Variants in UPF3B observed in about 807,000 individuals in gnomAD.
UPF3B encodes the protein regulator of nonsense transcripts 3B.
In UPF3B, 7 loss-of-function variants were observed where a neutral mutation model predicts 40.3. The observed-to-expected ratio is 0.17, with a 90% confidence interval of 0.10 to 0.33. The LOEUF (loss-of-function observed/expected upper bound fraction) is 0.33, where lower values mean the gene tolerates loss of function less well. UPF3B is among the 10% of genes least tolerant of loss of function. The probability of loss-of-function intolerance (pLI) is 1.00; values close to 1 mark genes in which losing one functional copy is unlikely to be tolerated. For missense variants in UPF3B, 229 were observed against 358.9 expected (o/e 0.64, Z 2.93); for synonymous variants, 117 against 117.3 (o/e 1.00, Z 0.01).
At chrX:119,817,906 G>A (rs1412441532) in intron 4 of UPF3B, among the ~76,000 whole-genome samples, 1 of 111,874 alleles carries the variant, frequency 8.9e-6, no homozygotes, top group Non-Finnish European at 1.9e-5. Context: ...TGGATAACTT[G>A]TAAGAAAGGA....
chrX:119,843,525 G>A (rs780545336), intron 4 of UPF3B, among the ~76,000 whole-genome samples: 1 of 111,950 alleles, frequency 8.9e-6, no homozygotes, highest in South Asian at 3.7e-4. Flanking sequence ...ATAACATGGG[G>A]TCAGGAAAAA....
chrX:119,816,610 G>T (rs1369544065), intron 4 of UPF3B, among the ~76,000 whole-genome samples: 1 of 111,304 alleles, frequency 9.0e-6, no homozygotes, highest in East Asian at 2.8e-4. Context: ...ATGAAAACAG[G>T]CTAGACAAAG....
At chrX:119,829,439 T>A (rs1471231739), downstream of UPF3B, among the ~76,000 whole-genome samples, 5 of 112,204 alleles carry the variant, frequency 4.5e-5, no homozygotes, top group African/African-American at 1.3e-4. Flanking sequence ...TTGTATATAT[T>A]GTTTCCTTCC....
intron 2 of UPF3B, 36 bp from the exon 3 acceptor site, chrX:119,851,637 C>T (rs369319025): frequency 6.7e-6 from 7 of 1,046,357 alleles, no homozygotes; most frequent in Non-Finnish European, 9.3e-6. Context: ...AATGTACTCG[C>T]AGGTGTCTGG....
In UPF3B at chrX:119,851,764, T is replaced by TTTTTTTTTTTTTTTAAAA; in HGVS notation, c.263+2_263+3insTTTTAAAAAAAAAAAAAA. ...ACCCCTTTCCTTTTTTTTTTTTTTT[T>TTTTTTTTTTTTTTTAAAA]ACCTCGTATCATTAGAAAAAAACTC... On this transcript the variant is annotated splice_region_variant and intron_variant, in intron 2 of 10. Transcript: ENST00000276201. 1 of 968,489 alleles carries TTTTTTTTTTTTTTTAAAA rather than the reference T, an allele frequency of 1.0e-6. No individual in the cohort carries two copies. Among genetic ancestry groups the TTTTTTTTTTTTTTTAAAA allele is most frequent in the Non-Finnish European group, 1.4e-6 (1 of 710,208 alleles). 79.8% of individuals were successfully genotyped at this position (968,489 alleles called of 1,213,427 possible). A position where few individuals can be genotyped will look rare whatever the true frequency, so the allele number is the denominator to read the frequency against.
intron 5 of UPF3B, among the ~76,000 whole-genome samples, chrX:119,842,542 T>C (rs771606584): frequency 1.9e-5 from 2 of 106,110 alleles, no homozygotes; most frequent in African/African-American, 3.5e-5. Context: ...ATTGCGACAC[T>C]GCACTCCAGC....
At chrX:119,844,862 C>G (rs1429179853) in intron 4 of UPF3B, among the ~76,000 whole-genome samples, 1 of 112,298 alleles carries the variant, frequency 8.9e-6, no homozygotes, top group African/African-American at 3.2e-5. Context: ...CTTGGCCTCC[C>G]AAAGTACTGG....
Position 119,851,833 on chromosome X carries a change from T to C in UPF3B, c.197A>G (p.Gln66Arg), listed in dbSNP as rs955279373. The C allele has an allele frequency of 1.7e-6, 2 of 1,199,836 alleles. No homozygotes were observed. The highest frequency in any genetic ancestry group is 2.2e-6 in the Non-Finnish European group (2 of 891,651). The change falls in exon 2 of 11, where the codon CAG becomes CGG. Residue 66 changes from glutamine to arginine, a missense_variant. This residue lies in a region of UPF3B where 87 missense variants were observed against 184.2 expected (regional missense o/e 0.47). Coordinates refer to ENST00000276201, the MANE Select transcript of UPF3B (RefSeq NM_080632.3). ...CATAGGTTGAAGATGTTCCTGAAGC[T>C]GCTCCTTGGTCAAAGTGGGAGGTAA... is the stretch of plus-strand genomic sequence containing the variant. ...RRLPPTLTKE[Q>R]LQEHLQPMPE...
intron 4 of UPF3B, among the ~76,000 whole-genome samples, chrX:119,816,943 ATTATT>A (rs774767928): frequency 9.0e-5 from 10 of 111,442 alleles, no homozygotes; most frequent in South Asian, 3.7e-4. Flanking sequence ...AAGAGGTTTA[ATTATT>A]TTATTTTATT....
intron 3 of UPF3B, among the ~76,000 whole-genome samples, chrX:119,828,228 T>C (rs1410925362): frequency 1.8e-5 from 2 of 110,168 alleles, no homozygotes; most frequent in Non-Finnish European, 3.8e-5. Flanking sequence ...CCTCGCTAAA[T>C]TTTTTTTGTA....
chrX:119,821,061 G>A (rs1457336799), intron 4 of UPF3B, among the ~76,000 whole-genome samples: 1 of 111,445 alleles, frequency 9.0e-6, no homozygotes, highest in Admixed American at 9.6e-5. Flanking sequence ...GTGGGGTATT[G>A]GGGTTATGGG....
At position 119,810,354 on chromosome X, in the gene UPF3B, C is replaced by G. The variant is rs371760834; in HGVS notation, c.603-2773G>C. Among the ~76,000 whole-genome samples the G allele has an allele frequency of 8.0e-5, 9 of 112,053 alleles. No homozygotes were observed. In the East Asian group the frequency reaches 1.4e-3, roughly 17 times the overall value. Reference sequence around the variant, plus strand: ...AAACCGCAATTACTTTTGCCCCAACCAATAGATCATGAAGCATCTATTGGG... The same window carrying G: ...AAACCGCAATTACTTTTGCCCCAACGAATAGATCATGAAGCATCTATTGGG... On this transcript the variant is annotated intron_variant, in intron 5 of 6. Transcript: ENST00000636792.
At chrX:119,814,401 T>C (rs1419606525) in intron 5 of UPF3B, among the ~76,000 whole-genome samples, 1 of 112,721 alleles carries the variant, frequency 8.9e-6, no homozygotes, top group Middle Eastern at 4.6e-3. Context: ...CTTGAGGATA[T>C]TGGATACGGA....
chrX:119,825,543 T>C (rs867727749), intron 3 of UPF3B, among the ~76,000 whole-genome samples: 2 of 111,999 alleles, frequency 1.8e-5, no homozygotes, highest in Middle Eastern at 9.2e-3. Flanking sequence ...TAATTCATTA[T>C]AAAATATCTC....
intron 3 of UPF3B, 69 bp downstream of exon 3, chrX:119,851,426 A>T (rs936285242): frequency 1.3e-6 from 1 of 767,007 alleles, no homozygotes; most frequent in Non-Finnish European, 2.0e-6. Flanking sequence ...AAGCAACGCA[A>T]TGCACGAGTT....
chrX:119,842,964 T>C (rs1401804166), intron 5 of UPF3B, among the ~76,000 whole-genome samples: 1 of 112,463 alleles, frequency 8.9e-6, no homozygotes, highest in Non-Finnish European at 1.9e-5. Flanking sequence ...ATCGAACTTT[T>C]TGTATTTATA....
intron 1 of UPF3B, among the ~76,000 whole-genome samples, chrX:119,852,206 G>T (rs2056312203): frequency 9.0e-6 from 1 of 111,597 alleles, no homozygotes; most frequent in African/African-American, 3.3e-5. Flanking sequence ...GTAAGCCAAC[G>T]CTGGTCTTTG....
At chrX:119,808,222 G>C (rs932090635) in intron 5 of UPF3B, among the ~76,000 whole-genome samples, 24 of 111,583 alleles carry the variant, frequency 2.2e-4, no homozygotes, top group Non-Finnish European at 1.9e-5. Context: ...TGAGGAAGTG[G>C]TCCTCACCCC....
chrX:119,841,583 T>C (rs1397971887), intron 6 of UPF3B, 152 bp downstream of exon 6: 26 of 614,526 alleles, frequency 4.2e-5, no homozygotes, highest in Non-Finnish European at 6.9e-5. Flanking sequence ...AGGAGCAGGC[T>C]AGAGAGTGAG....
Sources: allele counts gnomAD v4.1 joint callset (sites outside exome capture counted in the v4.1 genomes callset), GRCh38; gene constraint gnomAD v4.1.1; regional missense constraint gnomAD v4.1.1; transcripts MANE v1.5; gene names NCBI Gene and HGNC (gene_info 2026-07-23, HGNC 2026-07-21).